Variants in KIAA2012 observed in about 807,000 individuals in gnomAD.
KIAA2012 encodes the protein uncharacterized protein KIAA2012.
A neutral mutation model predicts 150.6 loss-of-function variants in KIAA2012; 125 were observed. The ratio of observed to expected loss-of-function variants is 0.83; its 90% confidence interval spans 0.72 to 0.96. The LOEUF (loss-of-function observed/expected upper bound fraction) is 0.96, where lower values mean the gene tolerates loss of function less well. Among genes scored for constraint, KIAA2012 ranks in the 40% least tolerant of loss-of-function variants. The pLI, the probability that KIAA2012 is intolerant of heterozygous loss-of-function variation, is 0.00. For synonymous variants in KIAA2012, 462 were observed against 504.7 expected (o/e 0.92, Z 1.13); for missense variants, 1,219 against 1,354.9 (o/e 0.90, Z 1.57).
intron 2 of KIAA2012, among the ~76,000 whole-genome samples, chr2:202,080,167 C>G (rs1689414717): frequency 6.6e-6 from 1 of 152,174 alleles, no homozygotes; most frequent in African/African-American, 2.4e-5. Context: ...GAAAAAGAAG[C>G]ATCTCCCCAG....
At chr2:202,096,169 C>A (rs1689879187) in intron 4 of KIAA2012, among the ~76,000 whole-genome samples, 1 of 152,238 alleles carries the variant, frequency 6.6e-6, no homozygotes, top group Admixed American at 6.5e-5. Flanking sequence ...CCAGGTGAAT[C>A]TGACCAGAAA....
intron 11 of KIAA2012, 100 bp from the exon 12 acceptor site, chr2:202,125,114 T>G (rs1228218005): frequency 2.6e-5 from 24 of 935,178 alleles, no homozygotes; most frequent in Non-Finnish European, 5.0e-6. Flanking sequence ...GCTTAAACAC[T>G]GAGGCAATCA....
chr2:202,191,659 C>G (rs1692330073), intron 19 of KIAA2012, among the ~76,000 whole-genome samples: 1 of 152,176 alleles, frequency 6.6e-6, no homozygotes, highest in South Asian at 2.1e-4. Context: ...GCCAATCTTT[C>G]CTCTGCTGTT....
In KIAA2012 at chr2:202,125,896, CTT is replaced by C. The variant is rs770547531; in HGVS notation, c.1831+616_1831+617del. ...GGAGACTTTCTCTCCTAAAAATAGTCTTTGATTAACAGAGAAATGTGAGTGGT... is the reference window on the plus strand; with the variant it reads ...GGAGACTTTCTCTCCTAAAAATAGTCTGATTAACAGAGAAATGTGAGTGGT... On this transcript the variant is annotated intron_variant, in intron 12 of 23. Transcript: ENST00000498697. 25 of 385,880 alleles carry C rather than the reference CTT, an allele frequency of 6.5e-5. 1 individual carries two copies. The highest frequency in any genetic ancestry group is 3.9e-4 in the South Asian group (23 of 58,306). The allele number at this position is 385,880 out of a possible 1,614,324, so 23.9% of individuals were successfully genotyped here.
chr2:202,141,256 G>A (rs1249229931), intron 13 of KIAA2012, among the ~76,000 whole-genome samples: 3 of 152,120 alleles, frequency 2.0e-5, no homozygotes, highest in Non-Finnish European at 4.4e-5. Context: ...GGTGGGAATG[G>A]TTCCCAAGGC....
intron 15 of KIAA2012, chr2:202,179,934 A>T (rs1559230227): frequency 8.8e-6 from 7 of 796,198 alleles, no homozygotes; most frequent in Non-Finnish European, 1.4e-5. Context: ...ATCTTCAACG[A>T]AGCTGGATTT....
chr2:202,100,028 C>T (rs1427119314), intron 6 of KIAA2012, among the ~76,000 whole-genome samples: 1 of 152,188 alleles, frequency 6.6e-6, no homozygotes. Flanking sequence ...CCCCCACTTA[C>T]AGTTGTGATC....
intron 15 of KIAA2012, chr2:202,179,396 T>A: frequency 1.3e-6 from 1 of 771,578 alleles, no homozygotes; most frequent in Non-Finnish European, 2.3e-6. Flanking sequence ...AGGAGCCCTG[T>A]CAGTGGGAAT....
chr2:202,113,040 C>T (rs1690413429), intron 10 of KIAA2012, among the ~76,000 whole-genome samples: 1 of 152,282 alleles, frequency 6.6e-6, no homozygotes, highest in Admixed American at 6.5e-5. Flanking sequence ...ACAGAGTGCC[C>T]CCGCTCACTT....
intron 5 of KIAA2012, among the ~76,000 whole-genome samples, chr2:202,099,160 A>T (rs572992859): frequency 8.0e-4 from 121 of 151,596 alleles, no homozygotes; most frequent in African/African-American, 2.7e-3. Flanking sequence ...GCTAATTTTT[A>T]AAATTTTTTT....
intron 7 of KIAA2012, among the ~76,000 whole-genome samples, chr2:202,101,792 T>C (rs1256632147): frequency 2.0e-5 from 3 of 152,178 alleles, no homozygotes; most frequent in African/African-American, 7.2e-5. Flanking sequence ...GTGTGTTTGG[T>C]TTATCATTTT....
In KIAA2012 at chr2:202,113,446, G is replaced by A. The variant is rs764431039; in HGVS notation, c.1762G>A (p.Ala588Thr). Residue 588 changes from alanine to threonine, a missense_variant and splice_region_variant, in exon 11 of 24, where the codon GCC becomes ACC. Coordinates refer to ENST00000498697, the MANE Select transcript of KIAA2012 (RefSeq NM_001277372.4). Reference sequence around the variant, plus strand: ...AACCGAGGCGCTTCCATCGGGTAAAGGTAAGCTAACACATTCCAGGGCAGC... The same window carrying A: ...AACCGAGGCGCTTCCATCGGGTAAAAGTAAGCTAACACATTCCAGGGCAGC... ...TQTEALPSGK[A>T]YESVNSNISH... is the part of the protein sequence containing the mutation. The A allele has an allele frequency of 1.3e-6, 2 of 1,546,382 alleles. No homozygotes were observed. The highest frequency in any genetic ancestry group is 2.0e-5 in the Admixed American group (1 of 50,520).
At chr2:202,117,528 A>G (rs1690556197) in intron 11 of KIAA2012, among the ~76,000 whole-genome samples, 1 of 152,228 alleles carries the variant, frequency 6.6e-6, no homozygotes, top group Admixed American at 6.5e-5. Flanking sequence ...AATTTTGATA[A>G]GGCCATGTGA....
At chr2:202,108,503 C>T in intron 9 of KIAA2012, among the ~76,000 whole-genome samples, 1 of 152,334 alleles carries the variant, frequency 6.6e-6, no homozygotes, top group East Asian at 1.9e-4. Flanking sequence ...TCTTTAGAAT[C>T]TTTTCATCTA....
chr2:202,080,762 C>T (rs1689434611), intron 2 of KIAA2012, among the ~76,000 whole-genome samples: 1 of 151,064 alleles, frequency 6.6e-6, no homozygotes, highest in Admixed American at 6.6e-5. Context: ...CAGTACCATT[C>T]TAAGTGCTTT....
Position 202,075,126 on chromosome 2 carries a change from A to C in KIAA2012, c.320A>C (p.His107Pro), listed in dbSNP as rs1394996608. ...GPWRKLDLEL[H>P]TLQDLKEAIL... ...TGGAGGAAGCTGGATCTTGAACTGC[A>C]CACACTTCAAGACCTCAAAGAAGCC... Residue 107 changes from histidine (H) to proline (P), a missense_variant, in exon 2 of 24, where the codon CAC becomes CCC. Coordinates refer to ENST00000498697, the MANE Select transcript of KIAA2012 (RefSeq NM_001277372.4). 1 of 1,550,284 alleles carries C rather than the reference A, an allele frequency of 6.5e-7. No homozygotes were observed. Among genetic ancestry groups the C allele is most frequent in the Admixed American group, 2.0e-5 (1 of 50,982 alleles).
chr2:202,091,075 A>C (rs1463612066), intron 3 of KIAA2012, 146 bp downstream of exon 3: 16 of 1,092,578 alleles, frequency 1.5e-5, no homozygotes, highest in Non-Finnish European at 1.9e-5. Context: ...TTGGTAGCCC[A>C]CAAGCCCCTT....
intron 2 of KIAA2012, among the ~76,000 whole-genome samples, chr2:202,075,876 A>G (rs1339572229): frequency 1.3e-5 from 2 of 152,222 alleles, no homozygotes; most frequent in Non-Finnish European, 2.9e-5. Context: ...TTCATTCCCC[A>G]CAAAATAAAG....
At chr2:202,083,144 C>T (rs570132652) in intron 2 of KIAA2012, among the ~76,000 whole-genome samples, 1 of 152,348 alleles carries the variant, frequency 6.6e-6, no homozygotes, top group African/African-American at 2.4e-5. Flanking sequence ...TTAATGAGAA[C>T]ATTCAGACCA....
Sources: allele counts gnomAD v4.1 joint callset (sites outside exome capture counted in the v4.1 genomes callset), GRCh38; gene constraint gnomAD v4.1.1; transcripts MANE v1.5; gene names NCBI Gene and HGNC (gene_info 2026-07-23, HGNC 2026-07-21).